The following SLC44A5 variants were observed in gnomAD, a reference collection of about 807,000 sequenced individuals.
SLC44A5 encodes solute carrier family 44 member 5.
A neutral mutation model predicts 101.8 loss-of-function variants in SLC44A5; 57 were observed. The ratio of observed to expected loss-of-function variants is 0.56; its 90% confidence interval spans 0.45 to 0.70. SLC44A5 has a LOEUF of 0.70. SLC44A5 is among the 30% of genes least tolerant of loss of function. SLC44A5 has a pLI of 0.00. For missense variants in SLC44A5, 737 were observed against 853.1 expected, an observed-to-expected ratio of 0.86 and a Z score of 1.70; for synonymous variants, 281 against 290.9, an observed-to-expected ratio of 0.97 and a Z score of 0.35.
At chr1:75,319,089 C>G (rs1451625425) in intron 4 of SLC44A5, among the ~76,000 whole-genome samples, 1 of 152,128 alleles carries the variant, frequency 6.6e-6, no homozygotes, top group African/African-American at 2.4e-5. Flanking sequence ...TCTAGCTATG[C>G]TGACATTTAG....
chr1:75,583,449 C>G (rs1673815421), intron 1 of SLC44A5, among the ~76,000 whole-genome samples: 1 of 152,172 alleles, frequency 6.6e-6, no homozygotes, highest in Non-Finnish European at 1.5e-5. Context: ...CATCCCTCAG[C>G]TTTGCCCCAG....
chr1:75,541,498 G>T lies in SLC44A5; in HGVS notation c.-51C>A. 6.2e-7 allele frequency: 1 copy of T among 1,603,102 alleles called. No individual in the cohort carries two copies. Among genetic ancestry groups the T allele is most frequent in the South Asian group, 1.1e-5 (1 of 89,194 alleles). ...AGTAGGCCTGAATCACTGCAAACTT[G>T]AGTTGCTTAGAAAAGAGTCTGTGAT... On this transcript the variant is annotated 5_prime_UTR_variant, in exon 2 of 24. Transcript: ENST00000370859.
chr1:75,261,949 C>A (rs796109429), intron 6 of SLC44A5, among the ~76,000 whole-genome samples: 2 of 152,094 alleles, frequency 1.3e-5, no homozygotes, highest in South Asian at 4.1e-4. Context: ...AACAGCCCTT[C>A]ATGCTAAAAA....
At chr1:75,275,534 C>T (rs1651850288) in intron 5 of SLC44A5, among the ~76,000 whole-genome samples, 1 of 151,974 alleles carries the variant, frequency 6.6e-6, no homozygotes, top group Non-Finnish European at 1.5e-5. Context: ...TTTCATGTGA[C>T]ATTATAAAGG....
At chr1:75,568,376 T>C (rs1054407892) in intron 1 of SLC44A5, among the ~76,000 whole-genome samples, 1 of 152,180 alleles carries the variant, frequency 6.6e-6, no homozygotes, top group African/African-American at 2.4e-5. Context: ...ACCAACTCTT[T>C]GGAAGGACAT....
intron 2 of SLC44A5, among the ~76,000 whole-genome samples, chr1:75,508,989 C>G (rs1669419575): frequency 6.6e-6 from 1 of 152,126 alleles, no homozygotes; most frequent in Non-Finnish European, 1.5e-5. Flanking sequence ...AAATACACGT[C>G]ATGATGACAA....
At chr1:75,292,031 A>G (rs1653596772) in intron 5 of SLC44A5, among the ~76,000 whole-genome samples, 1 of 151,270 alleles carries the variant, frequency 6.6e-6, no homozygotes, top group East Asian at 1.9e-4. Context: ...AAAAGAAAAG[A>G]AAAGAAAGCA....
At chr1:75,204,730 T>G (rs1646720934) in intron 23 of SLC44A5, 1 of 152,192 alleles carries the variant, frequency 6.6e-6, no homozygotes, top group Non-Finnish European at 1.5e-5. Context: ...TCCAGTGATC[T>G]GTCCATCTTG....
At chr1:75,327,723 T>C (rs554927100) in intron 4 of SLC44A5, among the ~76,000 whole-genome samples, 1 of 152,202 alleles carries the variant, frequency 6.6e-6, no homozygotes, top group Non-Finnish European at 1.5e-5. Context: ...TAAATACCAA[T>C]ACCCAGATAA....
At chr1:75,580,795 G>C (rs1164953873) in intron 1 of SLC44A5, among the ~76,000 whole-genome samples, 3 of 147,292 alleles carry the variant, frequency 2.0e-5, no homozygotes, top group Non-Finnish European at 3.0e-5. Flanking sequence ...CTGAGATCAA[G>C]CCACTGCACT....
intron 2 of SLC44A5, among the ~76,000 whole-genome samples, chr1:75,437,921 C>T (rs1664980973): frequency 6.6e-6 from 1 of 152,034 alleles, no homozygotes; most frequent in Non-Finnish European, 1.5e-5. Flanking sequence ...AGTGGGTTTC[C>T]AATAATGCAC....
chr1:75,533,102 G>A (rs1018518990), intron 2 of SLC44A5, among the ~76,000 whole-genome samples: 7 of 152,092 alleles, frequency 4.6e-5, no homozygotes, highest in African/African-American at 1.7e-4. Context: ...GCCCATTGTA[G>A]ACCCTGCTCA....
intron 12 of SLC44A5, among the ~76,000 whole-genome samples, chr1:75,230,582 G>A (rs536778767): frequency 1.3e-5 from 2 of 151,562 alleles, no homozygotes; most frequent in South Asian, 4.2e-4. Context: ...AACCTTTCAT[G>A]CATGGTTATT....
intron 4 of SLC44A5, among the ~76,000 whole-genome samples, chr1:75,328,648 G>C (rs1443503472): frequency 6.6e-6 from 1 of 152,080 alleles, no homozygotes; most frequent in Non-Finnish European, 1.5e-5. Flanking sequence ...CTGAAAGCAG[G>C]GTATTAGATG....
chr1:75,446,574 C>G (rs1267390362), intron 2 of SLC44A5, among the ~76,000 whole-genome samples: 1 of 151,892 alleles, frequency 6.6e-6, no homozygotes, highest in East Asian at 1.9e-4. Flanking sequence ...TGTAAATCTC[C>G]TCCATTAGAA....
chr1:75,275,107 G>T, intron 5 of SLC44A5, 65 bp from the exon 6 acceptor site: 1 of 1,264,462 alleles, frequency 7.9e-7, no homozygotes, highest in Non-Finnish European at 1.1e-6. Context: ...TTTGATTTGA[G>T]ATATTAGAAT....
intron 4 of SLC44A5, among the ~76,000 whole-genome samples, chr1:75,337,757 T>C (rs966121894): frequency 4.6e-5 from 7 of 152,178 alleles, no homozygotes; most frequent in African/African-American, 1.7e-4. Context: ...CCTTCGCCTT[T>C]TCTCAAAACA....
chr1:75,635,787 C>A, the SLC44A5 span, among the ~76,000 whole-genome samples: 1 of 147,046 alleles, frequency 6.8e-6, no homozygotes, highest in Non-Finnish European at 1.5e-5. Flanking sequence ...TGCACATGTA[C>A]CCTAAAACTT....
intron 1 of SLC44A5, among the ~76,000 whole-genome samples, chr1:75,590,463 C>A (rs753537279): frequency 1.5e-4 from 23 of 152,174 alleles, no homozygotes; most frequent in Non-Finnish European, 2.6e-4. Flanking sequence ...CAAGTACCAA[C>A]ACTGCCACAG....
Sources: gnomAD v4.1 joint callset for allele counts (sites outside exome capture counted in the v4.1 genomes callset) on GRCh38, gnomAD v4.1.1 for gene constraint, MANE v1.5 for transcripts, NCBI Gene and HGNC (gene_info 2026-07-23, HGNC 2026-07-21) for gene names.